The following MYO1D variants were observed in gnomAD, a reference collection of about 807,000 sequenced individuals.
MYO1D encodes the protein unconventional myosin-Id.
A neutral mutation model predicts 122.0 loss-of-function variants in MYO1D; 83 were observed. That is an observed-to-expected ratio of 0.68 (90% CI 0.57 to 0.82). MYO1D has a LOEUF of 0.82. Among genes scored for constraint, MYO1D ranks in the 40% least tolerant of loss-of-function variants. MYO1D has a pLI of 0.00. For missense variants in MYO1D, 1,157 were observed against 1,269.5 expected (o/e 0.91, Z 1.35); for synonymous variants, 464 against 446.9 (o/e 1.04, Z -0.48).
intron 16 of MYO1D, among the ~76,000 whole-genome samples, chr17:32,678,073 G>T (rs183969077): frequency 6.6e-6 from 1 of 152,180 alleles, no homozygotes; most frequent in East Asian, 1.9e-4. Flanking sequence ...TGGTGAAACT[G>T]CTTAAAAGGT....
chr17:32,614,606 CCTT>C (rs1036741464), intron 20 of MYO1D, among the ~76,000 whole-genome samples: 12 of 152,166 alleles, frequency 7.9e-5, no homozygotes, highest in African/African-American at 2.4e-4. Flanking sequence ...TAATCTCCCT[CCTT>C]CTCCCTTCCC....
At chr17:32,844,141 G>A (rs8073140) in intron 1 of MYO1D, among the ~76,000 whole-genome samples, 2,953 of 148,838 alleles carry the variant, frequency 0.02, 119 homozygotes, top group African/African-American at 0.07. Flanking sequence ...AACACAACAA[G>A]TAACATATAA....
chr17:32,677,737 T>A (rs1447474735), intron 16 of MYO1D, among the ~76,000 whole-genome samples: 1 of 152,090 alleles, frequency 6.6e-6, no homozygotes, highest in East Asian at 1.9e-4. Context: ...TCATTCGAAG[T>A]CAGAAATGCA....
intron 13 of MYO1D, among the ~76,000 whole-genome samples, chr17:32,738,676 A>G (rs2089737961): frequency 1.3e-5 from 2 of 152,232 alleles, no homozygotes; most frequent in South Asian, 4.1e-4. Flanking sequence ...CAAATGGTCA[A>G]TATGGCTCTT....
rs139817222 is a variant in MYO1D at position 32,814,153 on chromosome 17, G to C, written c.96-33369C>G. On this transcript the variant is annotated intron_variant, in intron 1 of 21. Coordinates refer to ENST00000318217, the MANE Select transcript of MYO1D (RefSeq NM_015194.3). ...GAGGTCAAGAGATCGAGACCATCCT[G>C]GTCAACATGGTAAAACCCTGTCTCC... Among the ~76,000 whole-genome samples the C allele has an allele frequency of 1.3e-3, 192 of 152,220 alleles. 1 individual carries two copies. The highest frequency in any genetic ancestry group is 2.2e-3 in the Non-Finnish European group (147 of 68,010).
intron 1 of MYO1D, among the ~76,000 whole-genome samples, chr17:32,834,587 A>G (rs2090803862): frequency 6.6e-6 from 1 of 152,226 alleles, no homozygotes; most frequent in South Asian, 2.1e-4. Flanking sequence ...TCAATTCCTC[A>G]TCCTACATCA....
chr17:32,783,718 T>A (rs1008511744), intron 1 of MYO1D, among the ~76,000 whole-genome samples: 1 of 152,216 alleles, frequency 6.6e-6, no homozygotes, highest in African/African-American at 2.4e-5. Flanking sequence ...GTGGTGCCAA[T>A]ATACACCTTA....
rs1474482541 is a variant in MYO1D, at chr17:32,493,639, C to A, written c.*1120G>T. Reference sequence around the variant, plus strand: ...TGGGGAAGGTGGTCTCAGAAGGCCCCTGAAGCATACGTGCTTTTGCTGGGC... The same window carrying A: ...TGGGGAAGGTGGTCTCAGAAGGCCCATGAAGCATACGTGCTTTTGCTGGGC... On this transcript the variant is annotated 3_prime_UTR_variant, in exon 22 of 22. Coordinates refer to ENST00000318217, the MANE Select transcript of MYO1D (RefSeq NM_015194.3). The A allele has an allele frequency of 6.6e-6, 1 of 152,434 alleles. No individual in the cohort carries two copies. The highest frequency in any genetic ancestry group is 1.5e-5 in the Non-Finnish European group (1 of 68,182). The allele number at this position is 152,434 out of a possible 1,614,324, so 9.4% of individuals were successfully genotyped here. A position where few individuals can be genotyped will look rare whatever the true frequency, so the allele number is the denominator to read the frequency against.
At chr17:32,725,975 G>A (rs563431539) in intron 14 of MYO1D, among the ~76,000 whole-genome samples, 4 of 152,296 alleles carry the variant, frequency 2.6e-5, no homozygotes, top group African/African-American at 7.2e-5. Flanking sequence ...CACTGCTAAC[G>A]TAGAATTTTA....
intron 1 of MYO1D, among the ~76,000 whole-genome samples, chr17:32,852,743 A>T (rs1307630096): frequency 6.6e-6 from 1 of 152,134 alleles, no homozygotes; most frequent in African/African-American, 2.4e-5. Flanking sequence ...TATATTTTTC[A>T]ATTTTTCTAC....
At chr17:32,822,969 CTT>C (rs2090688326) in intron 1 of MYO1D, among the ~76,000 whole-genome samples, 1 of 152,114 alleles carries the variant, frequency 6.6e-6, no homozygotes, top group African/African-American at 2.4e-5. Flanking sequence ...TACCCTAAAA[CTT>C]AAAGTATAAT....
At chr17:32,507,018 G>C (rs1194972657) in intron 21 of MYO1D, among the ~76,000 whole-genome samples, 1 of 152,150 alleles carries the variant, frequency 6.6e-6, no homozygotes, top group Non-Finnish European at 1.5e-5. Flanking sequence ...TAATTGTTTT[G>C]TTTATTTATT....
intron 1 of MYO1D, among the ~76,000 whole-genome samples, chr17:32,867,314 A>G (rs1247392696): frequency 2.0e-5 from 3 of 147,602 alleles, no homozygotes; most frequent in Non-Finnish European, 4.5e-5. Flanking sequence ...TGATAGTGTG[A>G]GACTGTCTCA....
chr17:32,675,558 A>G (rs796513816), intron 16 of MYO1D, among the ~76,000 whole-genome samples: 9 of 152,310 alleles, frequency 5.9e-5, no homozygotes, highest in African/African-American at 1.4e-4. Context: ...CAGGAATATG[A>G]TTAATTTTTC....
At chr17:32,734,911 A>T (rs1308402376) in intron 14 of MYO1D, 2 of 149,216 alleles carry the variant, frequency 1.3e-5, no homozygotes, top group Non-Finnish European at 2.9e-5. Flanking sequence ...CTGTACTAAA[A>T]ATACAAAAAA....
intron 21 of MYO1D, among the ~76,000 whole-genome samples, chr17:32,603,611 C>T (rs1214403018): frequency 4.0e-5 from 6 of 150,528 alleles, no homozygotes; most frequent in East Asian, 3.9e-4. Flanking sequence ...CAGCAAGCTC[C>T]GCCTCCCAGG....
intron 1 of MYO1D, among the ~76,000 whole-genome samples, chr17:32,847,974 G>A (rs4296307): frequency 0.52 from 79,215 of 152,018 alleles, 21,255 homozygotes; most frequent in East Asian, 0.72. Context: ...CTGAGAAGCC[G>A]TAAAGTACAA....
At chr17:32,622,086 A>G (rs972062803) in intron 20 of MYO1D, among the ~76,000 whole-genome samples, 4 of 152,066 alleles carry the variant, frequency 2.6e-5, no homozygotes, top group Non-Finnish European at 4.4e-5. Flanking sequence ...TTGACTGTGT[A>G]TTGGGCCTTG....
chr17:32,840,448 A>T (rs1396744434), intron 1 of MYO1D, among the ~76,000 whole-genome samples: 2 of 152,194 alleles, frequency 1.3e-5, no homozygotes, highest in Non-Finnish European at 2.9e-5. Flanking sequence ...AGCCATAAGC[A>T]CAGCCTTGTC....
Sources: gnomAD v4.1 joint callset for allele counts (sites outside exome capture counted in the v4.1 genomes callset) on GRCh38, gnomAD v4.1.1 for gene constraint, MANE v1.5 for transcripts, NCBI Gene and HGNC (gene_info 2026-07-23, HGNC 2026-07-21) for gene names.